The following DNAH11 variants were observed in gnomAD, a reference collection of about 807,000 sequenced individuals.
DNAH11 encodes the protein dynein axonemal heavy chain 11.
DNAH11 carries 442 observed loss-of-function variants against 526.0 expected under a neutral mutation model. That is an observed-to-expected ratio of 0.84 (90% CI 0.78 to 0.91). The LOEUF (loss-of-function observed/expected upper bound fraction) is 0.91. DNAH11 is among the 40% of genes least tolerant of loss of function. The pLI, the probability that DNAH11 is intolerant of heterozygous loss-of-function variation, is 0.00. For missense variants in DNAH11, 6,989 were observed against 5,448.7 expected, an observed-to-expected ratio of 1.28 and a Z score of -8.90; for synonymous variants, 2,461 against 1,935.9, an observed-to-expected ratio of 1.27 and a Z score of -7.12.
At chr7:21,887,018 GT>G (rs1356045332) in intron 76 of DNAH11, among the ~76,000 whole-genome samples, 1 of 152,166 alleles carries the variant, frequency 6.6e-6, no homozygotes. Context: ...TGTTTATGCT[GT>G]TTATATGATT....
chr7:21,655,481 T>C (rs1781974094), intron 28 of DNAH11, among the ~76,000 whole-genome samples: 1 of 152,202 alleles, frequency 6.6e-6, no homozygotes. Flanking sequence ...GCTAGGAATC[T>C]GAATTTTTAA....
At chr7:21,707,389 T>C (rs1784308356) in intron 39 of DNAH11, among the ~76,000 whole-genome samples, 2 of 152,242 alleles carry the variant, frequency 1.3e-5, no homozygotes, top group South Asian at 2.1e-4. Context: ...TCAACATAAA[T>C]GCTTATTTAT....
chr7:21,781,376 C>A (rs987602175), intron 57 of DNAH11, among the ~76,000 whole-genome samples: 1 of 152,178 alleles, frequency 6.6e-6, no homozygotes, highest in African/African-American at 2.4e-5. Context: ...GCGATTTGAA[C>A]CACTGGGCAT....
chr7:21,728,024 A>G (rs1434659520), intron 45 of DNAH11, among the ~76,000 whole-genome samples: 1 of 152,080 alleles, frequency 6.6e-6, no homozygotes, highest in African/African-American at 2.4e-5. Context: ...CACATTGGAT[A>G]AGGGCCTAAT....
chr7:21,648,266 A>G (rs780681221), intron 28 of DNAH11, among the ~76,000 whole-genome samples: 1 of 152,212 alleles, frequency 6.6e-6, no homozygotes, highest in Non-Finnish European at 1.5e-5. Context: ...ATAATGTAAA[A>G]TTGGCCACAA....
At chr7:21,605,434 G>T (rs990753954) in intron 18 of DNAH11, among the ~76,000 whole-genome samples, 4 of 152,190 alleles carry the variant, frequency 2.6e-5, no homozygotes, top group Admixed American at 2.6e-4. Flanking sequence ...AAAATAACTT[G>T]CTTTTGTCCT....
intron 28 of DNAH11, among the ~76,000 whole-genome samples, chr7:21,650,171 A>T (rs991401857): frequency 6.6e-6 from 1 of 152,206 alleles, no homozygotes; most frequent in Non-Finnish European, 1.5e-5. Context: ...ACATTTTATG[A>T]AAGAAACACC....
At chr7:21,850,756 T>TA (rs1480415141) in intron 66 of DNAH11, among the ~76,000 whole-genome samples, 3 of 152,142 alleles carry the variant, frequency 2.0e-5, no homozygotes, top group Non-Finnish European at 4.4e-5. Context: ...GGCTAGGAGT[T>TA]ACGGCTGTGT....
intron 60 of DNAH11, among the ~76,000 whole-genome samples, chr7:21,788,278 T>C (rs1188901812): frequency 6.6e-6 from 1 of 152,196 alleles, no homozygotes; most frequent in African/African-American, 2.4e-5. Context: ...AAAAAGTCAG[T>C]GTAGTCAATT....
chr7:21,615,142 A>G lies in DNAH11; in HGVS notation c.3881A>G (p.Glu1294Gly). 1 of 1,612,480 alleles carries G rather than the reference A, an allele frequency of 6.2e-7. No individual in the cohort carries two copies. The highest frequency in any genetic ancestry group is 8.5e-7 in the Non-Finnish European group (1 of 1,179,254). ...AATGAAGAGCTTGAGGCCTTAGAAG[A>G]AGAAATGTTGCAGATGCAAGAATCT... ...KANEELEALEEEMLQMQESTR... is the reference protein window; with the variant it reads ...KANEELEALEGEMLQMQESTR... The change falls in exon 21 of 82, where the codon GAA (glutamate) becomes GGA (glycine). Residue 1294 changes from glutamate (E) to glycine (G), a missense_variant. Glu to Gly is a moderately conservative substitution (Grantham distance 98). Transcript: ENST00000409508.
chr7:21,698,787 G>A (rs1441641721), intron 36 of DNAH11, among the ~76,000 whole-genome samples: 1 of 152,122 alleles, frequency 6.6e-6, no homozygotes, highest in East Asian at 1.9e-4. Context: ...GCATGTTCAA[G>A]TGTCTTTTTC....
chr7:21,695,181 A>G (rs923741804), intron 35 of DNAH11, among the ~76,000 whole-genome samples: 54 of 152,196 alleles, frequency 3.5e-4, no homozygotes, highest in African/African-American at 1.3e-3. Flanking sequence ...AAGTAATTCA[A>G]AGATTCAATG....
chr7:21,858,263 C>T (rs963496152), intron 68 of DNAH11, among the ~76,000 whole-genome samples: 7 of 152,150 alleles, frequency 4.6e-5, no homozygotes, highest in Non-Finnish European at 1.0e-4. Flanking sequence ...CTACAGCTCT[C>T]TCACATTGCT....
chr7:21,713,483 G>A (rs1333293156), intron 42 of DNAH11, among the ~76,000 whole-genome samples: 2 of 152,110 alleles, frequency 1.3e-5, no homozygotes, highest in Non-Finnish European at 2.9e-5. Context: ...TCTCCATTAA[G>A]GTTCTTTCCT....
chr7:21,730,969 C>T (rs1287305927), intron 45 of DNAH11, among the ~76,000 whole-genome samples: 2 of 152,156 alleles, frequency 1.3e-5, no homozygotes, highest in African/African-American at 4.8e-5. Context: ...CATGGCGAAA[C>T]CCGGTCTCTA....
intron 2 of DNAH11, among the ~76,000 whole-genome samples, chr7:21,557,741 T>G (rs934986354): frequency 2.6e-5 from 4 of 152,212 alleles, no homozygotes; most frequent in Admixed American, 2.0e-4. Flanking sequence ...TGGCAAGTCT[T>G]TCTTAATACC....
Position 21,901,329 on chromosome 7 carries a change from T to TTCTGGACCTTCAGGCTGAAGAGCGAAGA in DNAH11, c.*75_*76insTCTGGACCTTCAGGCTGAAGAGCGAAGA. On this transcript the variant is annotated 3_prime_UTR_variant, in exon 82 of 82. Transcript: ENST00000409508. ...CTAGCATGTTGCTGCACTGTTCCCA[T>TTCTGGACCTTCAGGCTGAAGAGCGAAGA]GCACATTATTCTAACTTTTTAGTAA... The TTCTGGACCTTCAGGCTGAAGAGCGAAGA allele has an allele frequency of 9.1e-6, 13 of 1,432,744 alleles. No individual in the cohort carries two copies. Among genetic ancestry groups the TTCTGGACCTTCAGGCTGAAGAGCGAAGA allele is most frequent in the Admixed American group, 2.4e-5 (1 of 42,306 alleles). The allele number at this position is 1,432,744 out of a possible 1,614,324, so 88.8% of individuals were successfully genotyped here.
intron 18 of DNAH11, among the ~76,000 whole-genome samples, chr7:21,602,335 C>T (rs1785122959): frequency 6.6e-6 from 1 of 152,114 alleles, no homozygotes; most frequent in African/African-American, 2.4e-5. Flanking sequence ...GAGACTCCTT[C>T]TCAAAATAAT....
intron 57 of DNAH11, among the ~76,000 whole-genome samples, chr7:21,781,005 G>C (rs1787919796): frequency 6.6e-6 from 1 of 152,150 alleles, no homozygotes. Context: ...ATTGTAAATT[G>C]GATATTCATG....
Sources: gnomAD v4.1 joint callset for allele counts (sites outside exome capture counted in the v4.1 genomes callset) on GRCh38, gnomAD v4.1.1 for gene constraint, MANE v1.5 for transcripts, NCBI Gene and HGNC (gene_info 2026-07-23, HGNC 2026-07-21) for gene names.